The following FMN1 variants were observed in gnomAD, a reference collection of about 807,000 sequenced individuals.
The protein encoded by FMN1 is formin 1.
In FMN1, 110 loss-of-function variants were observed where a neutral mutation model predicts 132.4. That is an observed-to-expected ratio of 0.83 (90% CI 0.71 to 0.97). The LOEUF (loss-of-function observed/expected upper bound fraction) is 0.97. FMN1 is among the 50% of genes least tolerant of loss of function. The pLI is 0.00. For synonymous variants in FMN1, 722 were observed against 651.7 expected (o/e 1.11, Z -1.64); for missense variants, 1,792 against 1,705.3 (o/e 1.05, Z -0.90).
chr15:32,795,657 T>A (rs1437924583), intron 19 of FMN1, among the ~76,000 whole-genome samples: 3 of 152,110 alleles, frequency 2.0e-5, no homozygotes, highest in Non-Finnish European at 4.4e-5. Flanking sequence ...GGTCTTTTTT[T>A]ACACTGCTCA....
chr15:32,988,218 A>G (rs2033205877), intron 7 of FMN1, among the ~76,000 whole-genome samples: 1 of 152,084 alleles, frequency 6.6e-6, no homozygotes, highest in Non-Finnish European at 1.5e-5. Context: ...TGAGAATTAG[A>G]AAATAATCTA....
At chr15:33,067,890 A>G in intron 5 of FMN1, 1 of 1,600,106 alleles carries the variant, frequency 6.2e-7, no homozygotes, top group Non-Finnish European at 8.5e-7. Flanking sequence ...TCCATGTCTC[A>G]GTAATGCCCT....
chr15:32,827,840 T>C (rs1011441198), intron 17 of FMN1, among the ~76,000 whole-genome samples: 2 of 149,262 alleles, frequency 1.3e-5, no homozygotes, highest in Admixed American at 1.3e-4. Flanking sequence ...CAAGACTCCG[T>C]CTCAAGAAAA....
rs78830110 is a variant in FMN1, at chr15:32,939,477, T to C, written c.3139-13216A>G. 8.6e-3 allele frequency among the ~76,000 whole-genome samples: 1,312 copies of C among 152,296 alleles called. 16 individuals are homozygous for C. The highest frequency in any genetic ancestry group is 0.03 in the African/African-American group (1,233 of 41,554). On this transcript the variant is annotated intron_variant, in intron 9 of 20. Transcript: ENST00000616417. ...TTTTTTTTAATTTGTTATCAACCAA[T>C]ATTACTACTTCGCTTTCTGAATGCT...
chr15:33,135,556 CCTT>C (rs1317368245), intron 4 of FMN1, among the ~76,000 whole-genome samples: 1 of 152,126 alleles, frequency 6.6e-6, no homozygotes, highest in Non-Finnish European at 1.5e-5. Context: ...TATGCACTGT[CCTT>C]CTGAAATATG....
chr15:32,795,504 A>G (rs8036757), intron 19 of FMN1, among the ~76,000 whole-genome samples: 67,307 of 151,472 alleles, frequency 0.44, 16,337 homozygotes, highest in Admixed American at 0.54. Flanking sequence ...TTCCTGCTTC[A>G]TCCTGATACA....
intron 9 of FMN1, among the ~76,000 whole-genome samples, chr15:32,960,257 G>A (rs774701151): frequency 5.3e-5 from 8 of 152,016 alleles, no homozygotes; most frequent in African/African-American, 9.7e-5. Context: ...GGGTGAGAGC[G>A]GCACCAGAAA....
chr15:33,040,336 T>G (rs1018005987), intron 6 of FMN1, among the ~76,000 whole-genome samples: 1 of 152,198 alleles, frequency 6.6e-6, no homozygotes, highest in Non-Finnish European at 1.5e-5. Context: ...AATGTTTGAT[T>G]GAACTTATTT....
At chr15:33,057,954 G>C (rs992124881) in intron 6 of FMN1, among the ~76,000 whole-genome samples, 2 of 116,006 alleles carry the variant, frequency 1.7e-5, no homozygotes, top group Non-Finnish European at 4.3e-5. Context: ...CAGACTGAGC[G>C]GAAGGAACTA....
intron 16 of FMN1, among the ~76,000 whole-genome samples, chr15:32,884,954 T>C (rs148858310): frequency 1.5e-3 from 224 of 147,676 alleles, no homozygotes; most frequent in Middle Eastern, 6.9e-3. Context: ...TACATGCCCT[T>C]AATCAGCTTT....
intron 19 of FMN1, among the ~76,000 whole-genome samples, chr15:32,783,729 A>G (rs2056748617): frequency 8.5e-6 from 1 of 116,988 alleles, no homozygotes; most frequent in Non-Finnish European, 1.6e-5. Flanking sequence ...TGGGCGACAG[A>G]GCGAGACTCT....
At chr15:33,095,473 G>A (rs2039049295) in intron 4 of FMN1, among the ~76,000 whole-genome samples, 1 of 152,174 alleles carries the variant, frequency 6.6e-6, no homozygotes, top group Non-Finnish European at 1.5e-5. Flanking sequence ...ACAACTCACT[G>A]TAGCCTTGGC....
At chr15:32,979,800 T>C (rs1244117970) in intron 7 of FMN1, among the ~76,000 whole-genome samples, 1 of 152,138 alleles carries the variant, frequency 6.6e-6, no homozygotes, top group Non-Finnish European at 1.5e-5. Context: ...ACCAAAGTCA[T>C]TTGTGTTCAC....
chr15:32,907,092 G>A (rs890176293), intron 12 of FMN1, among the ~76,000 whole-genome samples: 9 of 152,218 alleles, frequency 5.9e-5, no homozygotes, highest in African/African-American at 2.2e-4. Flanking sequence ...ACAGGGACCG[G>A]TTTCGAGGAA....
At chr15:32,849,260 T>C (rs1376697285) in intron 17 of FMN1, among the ~76,000 whole-genome samples, 1 of 151,744 alleles carries the variant, frequency 6.6e-6, no homozygotes, top group Middle Eastern at 3.4e-3. Flanking sequence ...CAAAGTGCTG[T>C]GATTATAGGC....
chr15:32,935,462 G>T (rs955816276), intron 9 of FMN1, among the ~76,000 whole-genome samples: 1 of 151,930 alleles, frequency 6.6e-6, no homozygotes, highest in African/African-American at 2.4e-5. Flanking sequence ...TCTTGTAATC[G>T]GGATCCATCG....
intron 5 of FMN1, among the ~76,000 whole-genome samples, chr15:33,077,331 G>A (rs1316915366): frequency 2.1e-5 from 3 of 145,774 alleles, no homozygotes; most frequent in South Asian, 2.2e-4. Flanking sequence ...CACTGCGCCC[G>A]GCCCATCCTT....
chr15:33,022,060 G>A (rs1008887252), intron 6 of FMN1, among the ~76,000 whole-genome samples: 6 of 152,204 alleles, frequency 3.9e-5, no homozygotes, highest in African/African-American at 4.8e-5. Context: ...ACTAAAATCC[G>A]TGAGTCCTTA....
chr15:32,774,376 A>G, intron 20 of FMN1, 22 bp from the exon 21 acceptor site: 2 of 1,560,626 alleles, frequency 1.3e-6, no homozygotes, highest in Non-Finnish European at 8.7e-7. Context: ...AAAAAAATGA[A>G]TGTATCATTT....
Sources: allele counts gnomAD v4.1 joint callset (sites outside exome capture counted in the v4.1 genomes callset), GRCh38; gene constraint gnomAD v4.1.1; transcripts MANE v1.5; gene names NCBI Gene and HGNC (gene_info 2026-07-23, HGNC 2026-07-21).